Variants in XPR1 observed in about 807,000 individuals in gnomAD.
The protein encoded by XPR1 is solute carrier family 53 member 1.
In XPR1, 28 loss-of-function variants were observed where a neutral mutation model predicts 87.5. The ratio of observed to expected loss-of-function variants is 0.32; its 90% CI spans 0.24 to 0.44. The LOEUF is 0.44. Among genes scored for constraint, XPR1 ranks in the 20% least tolerant of loss-of-function variants. The pLI is 1.00. For missense variants in XPR1, 559 were observed against 862.3 expected (o/e 0.65, Z 4.41); for synonymous variants, 300 against 306.1 (o/e 0.98, Z 0.21).
chr1:180,873,250 A>G (rs1247299376), intron 12 of XPR1, among the ~76,000 whole-genome samples: 2 of 152,210 alleles, frequency 1.3e-5, no homozygotes, highest in Non-Finnish European at 2.9e-5. Context: ...GTATTACTTG[A>G]GCACCGTCTT....
chr1:180,801,320 C>T (rs1327452484), intron 3 of XPR1, among the ~76,000 whole-genome samples: 1 of 152,160 alleles, frequency 6.6e-6, no homozygotes, highest in Non-Finnish European at 1.5e-5. Flanking sequence ...TTCTGGGCCC[C>T]CTCAGGGGGA....
At chr1:180,767,902 T>C (rs1311676591) in intron 2 of XPR1, among the ~76,000 whole-genome samples, 3 of 151,880 alleles carry the variant, frequency 2.0e-5, no homozygotes, top group Admixed American at 2.0e-4. Context: ...TGGAGTGCAG[T>C]GGCGCAATCT....
Position 180,824,907 on chromosome 1 carries a change from T to C in XPR1, c.918T>C (p.Asn306=). The change falls in exon 8 of 15, where the codon AAT becomes AAC. Residue 306 remains asparagine, a synonymous_variant. Transcript: ENST00000367590. ...GVNHVLIFEL[N]PRSNLSHQHL... ...ACCATGTACTCATCTTTGAACTTAA[T>C]CCGAGAAGCAATTTGTCTCATCAAC... 6.2e-7 allele frequency: 1 copy of C among 1,613,820 alleles called. No individual in the cohort carries two copies. Among genetic ancestry groups the C allele is most frequent in the Non-Finnish European group, 8.5e-7 (1 of 1,179,962 alleles).
chr1:180,632,311 A>C, intron 1 of XPR1, 41 bp downstream of exon 1: 1 of 1,590,654 alleles, frequency 6.3e-7, no homozygotes, highest in Non-Finnish European at 8.6e-7. Context: ...CGGAGGGGCC[A>C]CCATCTCGCC....
intron 1 of XPR1, among the ~76,000 whole-genome samples, chr1:180,656,730 C>T (rs1425261911): frequency 2.3e-5 from 3 of 131,300 alleles, no homozygotes; most frequent in Non-Finnish European, 3.2e-5. Context: ...TTTCATTATC[C>T]ATTCATCTGT....
intron 2 of XPR1, among the ~76,000 whole-genome samples, chr1:180,697,564 C>T (rs1159292127): frequency 6.6e-6 from 1 of 151,918 alleles, no homozygotes; most frequent in South Asian, 2.1e-4. Context: ...AATCCCTCTA[C>T]TTGTTTGATA....
At chr1:180,658,322 A>G (rs865787769) in intron 1 of XPR1, among the ~76,000 whole-genome samples, 84 of 152,164 alleles carry the variant, frequency 5.5e-4, no homozygotes, top group African/African-American at 2.0e-3. Flanking sequence ...TTCTAGTGCT[A>G]TGTTGGACAA....
chr1:180,851,425 A>G (rs905424385), intron 11 of XPR1, among the ~76,000 whole-genome samples: 4 of 152,222 alleles, frequency 2.6e-5, no homozygotes, highest in Non-Finnish European at 5.9e-5. Context: ...TTGTGTGCCT[A>G]TAGACAGAAT....
At chr1:180,823,561 G>A (rs1048168946) in intron 7 of XPR1, among the ~76,000 whole-genome samples, 1 of 152,196 alleles carries the variant, frequency 6.6e-6, no homozygotes, top group East Asian at 1.9e-4. Context: ...TAATATTTTA[G>A]GGGTGCTGCG....
In XPR1 at chr1:180,806,148, T is replaced by C. The variant is rs1462196648; in HGVS notation, c.534T>C (p.Ala178=). 2 of 1,613,722 alleles carry C rather than the reference T, an allele frequency of 1.2e-6. No individual in the cohort carries two copies. The highest frequency in any genetic ancestry group is 2.7e-5 in the African/African-American group (2 of 74,928). Residue 178 remains alanine (A), a synonymous_variant, in exon 5 of 15, where the codon GCT becomes GCC. Transcript: ENST00000367590. ...ETSRGADWRV[A]HVEVAPFYTC... ...CTCGTGGAGCAGATTGGCGAGTGGC[T>C]CACGTAGAGGTGGCCCCATTTTATA... is the stretch of plus-strand genomic sequence containing the variant.
At chr1:180,818,128 A>G (rs543573117) in intron 7 of XPR1, among the ~76,000 whole-genome samples, 18 of 152,298 alleles carry the variant, frequency 1.2e-4, no homozygotes, top group African/African-American at 3.8e-4. Flanking sequence ...ATAATAGACA[A>G]ATTGTTAGCA....
intron 13 of XPR1, 43 bp downstream of exon 13, chr1:180,873,985 C>T: frequency 6.4e-7 from 1 of 1,560,650 alleles, no homozygotes; most frequent in Non-Finnish European, 8.7e-7. Context: ...TCTTTTTAAC[C>T]TAAAAGACAC....
intron 11 of XPR1, among the ~76,000 whole-genome samples, chr1:180,855,610 G>A (rs1201201216): frequency 6.7e-6 from 1 of 149,508 alleles, no homozygotes; most frequent in Non-Finnish European, 1.5e-5. Context: ...GTTGCAATGA[G>A]CCGAGATCAT....
chr1:180,648,272 C>G (rs1319856741), intron 1 of XPR1, among the ~76,000 whole-genome samples: 1 of 152,126 alleles, frequency 6.6e-6, no homozygotes, highest in Non-Finnish European at 1.5e-5. Flanking sequence ...GAATTTGTAG[C>G]AGCAGAGGTT....
At chr1:180,745,261 C>G (rs1272104395) in intron 2 of XPR1, among the ~76,000 whole-genome samples, 1 of 152,110 alleles carries the variant, frequency 6.6e-6, no homozygotes, top group Non-Finnish European at 1.5e-5. Flanking sequence ...TTTATTTATT[C>G]TGCTCTGCGG....
intron 2 of XPR1, among the ~76,000 whole-genome samples, chr1:180,728,298 G>A (rs543133764): frequency 3.0e-5 from 1 of 33,794 alleles, no homozygotes; most frequent in East Asian, 4.9e-4. Context: ...GTTTATAACT[G>A]GGGGGGGGGG....
intron 2 of XPR1, among the ~76,000 whole-genome samples, chr1:180,772,240 G>C (rs1469188026): frequency 1.3e-5 from 2 of 151,872 alleles, no homozygotes; most frequent in Non-Finnish European, 1.5e-5. Flanking sequence ...ATGTCATTTT[G>C]ATCTGCCACC....
chr1:180,805,171 C>T (rs1294111013), intron 4 of XPR1, among the ~76,000 whole-genome samples: 1 of 151,868 alleles, frequency 6.6e-6, no homozygotes, highest in Non-Finnish European at 1.5e-5. Flanking sequence ...ATGTATGCAC[C>T]CCACACAGAC....
chr1:180,822,916 G>T (rs1410944233), intron 7 of XPR1, among the ~76,000 whole-genome samples: 1 of 152,130 alleles, frequency 6.6e-6, no homozygotes, highest in East Asian at 1.9e-4. Context: ...GAATACAAAG[G>T]TAAACAATAA....
Sources: gnomAD v4.1 joint callset for allele counts (sites outside exome capture counted in the v4.1 genomes callset) on GRCh38, gnomAD v4.1.1 for gene constraint, MANE v1.5 for transcripts, NCBI Gene and HGNC (gene_info 2026-07-23, HGNC 2026-07-21) for gene names.